Variants in MAML3 observed in about 807,000 individuals in gnomAD.
The protein encoded by MAML3 is mastermind-like protein 3.
A neutral mutation model predicts 101.9 loss-of-function variants in MAML3; 27 were observed. The observed-to-expected ratio is 0.27, with a 90% CI of 0.20 to 0.37. MAML3 has a LOEUF of 0.37. Among genes scored for constraint, MAML3 ranks in the 10% least tolerant of loss-of-function variants. The probability of loss-of-function intolerance (pLI) is 1.00; values close to 1 mark genes in which losing one functional copy is unlikely to be tolerated. For synonymous variants in MAML3, 501 were observed against 555.9 expected, an observed-to-expected ratio of 0.90 and a Z score of 1.39; for missense variants, 1,316 against 1,444.9, an observed-to-expected ratio of 0.91 and a Z score of 1.45.
At chr4:140,095,068 A>T (rs1346125315) in intron 1 of MAML3, among the ~76,000 whole-genome samples, 1 of 152,184 alleles carries the variant, frequency 6.6e-6, no homozygotes, top group Non-Finnish European at 1.5e-5. Flanking sequence ...AGCCACCCAC[A>T]GCCTTGGGGC....
At chr4:139,938,856 C>T (rs1249821439) in intron 1 of MAML3, among the ~76,000 whole-genome samples, 4 of 152,204 alleles carry the variant, frequency 2.6e-5, no homozygotes, top group Admixed American at 6.5e-5. Flanking sequence ...TGCACAATCA[C>T]CTTTGAATAT....
chr4:140,030,254 G>T (rs1462163592), intron 1 of MAML3, among the ~76,000 whole-genome samples: 2 of 152,040 alleles, frequency 1.3e-5, no homozygotes, highest in Non-Finnish European at 2.9e-5. Context: ...TGACTTCATG[G>T]CAGCTTCCTT....
chr4:139,837,850 T>G lies in MAML3; in HGVS notation c.2079+51507A>C, dbSNP rs559798606. On this transcript the variant is annotated intron_variant, in intron 2 of 4. Transcript: ENST00000509479. ...TAGGAGAATTGCTTGAACCTGGGAG[T>G]TGGAGTTTGCAGTGAGCCGAGATCA... Among the ~76,000 whole-genome samples, 4 of 150,272 alleles carry G rather than the reference T, an allele frequency of 2.7e-5. No individual in the cohort carries two copies. In the East Asian group the frequency reaches 8.0e-4, roughly 30 times the overall value.
intron 1 of MAML3, among the ~76,000 whole-genome samples, chr4:140,079,281 A>G (rs933772480): frequency 1.3e-5 from 2 of 152,262 alleles, no homozygotes; most frequent in African/African-American, 4.8e-5. Context: ...AGTTCTATTA[A>G]TTAATTAATT....
intron 1 of MAML3, among the ~76,000 whole-genome samples, chr4:139,892,544 A>AT (rs1399219292): frequency 7.3e-6 from 1 of 137,508 alleles, no homozygotes; most frequent in Non-Finnish European, 1.5e-5. Flanking sequence ...TCTTTAGTCT[A>AT]TTTTTTTATT....
chr4:139,819,246 C>T (rs759214580), intron 2 of MAML3, among the ~76,000 whole-genome samples: 3 of 152,064 alleles, frequency 2.0e-5, no homozygotes, highest in Non-Finnish European at 4.4e-5. Context: ...GAGGAGGGAG[C>T]TTAATGGGCT....
At chr4:139,823,143 A>G (rs540077739) in intron 2 of MAML3, among the ~76,000 whole-genome samples, 1 of 152,364 alleles carries the variant, frequency 6.6e-6, no homozygotes, top group African/African-American at 2.4e-5. Context: ...TCAGTAAATG[A>G]TTCCTCATTA....
In MAML3 at chr4:140,153,744, A is replaced by C. The variant is rs1729220333; in HGVS notation, c.-417T>G. 5.5e-6 allele frequency: 1 copy of C among 180,424 alleles called. No individual in the cohort carries two copies. Among genetic ancestry groups the C allele is most frequent in the East Asian group, 1.7e-4 (1 of 5,866 alleles). The allele number at this position is 180,424 out of a possible 1,614,324, so 11.2% of individuals were successfully genotyped here. A position where few individuals can be genotyped will look rare whatever the true frequency, so the allele number is the denominator to read the frequency against. ...GCAAGCATTTTCTCCCTACATACCGAAAAACACACCCCATGTACACACACA... is the reference window on the plus strand; with the variant it reads ...GCAAGCATTTTCTCCCTACATACCGCAAAACACACCCCATGTACACACACA... On this transcript the variant is annotated 5_prime_UTR_variant, in exon 1 of 5. Coordinates refer to ENST00000509479, the MANE Select transcript of MAML3 (RefSeq NM_018717.5).
chr4:140,050,202 A>T (rs1727244695), intron 1 of MAML3, among the ~76,000 whole-genome samples: 1 of 152,150 alleles, frequency 6.6e-6, no homozygotes, highest in African/African-American at 2.4e-5. Context: ...CCTCTATTCT[A>T]GGTCTTCCCG....
At chr4:139,761,507 A>C (rs1729760150) in intron 2 of MAML3, among the ~76,000 whole-genome samples, 1 of 152,110 alleles carries the variant, frequency 6.6e-6, no homozygotes, top group Non-Finnish European at 1.5e-5. Flanking sequence ...CCCATTAATG[A>C]TGATTAGATA....
At chr4:139,767,368 T>C (rs1333709113) in intron 2 of MAML3, among the ~76,000 whole-genome samples, 2 of 152,220 alleles carry the variant, frequency 1.3e-5, no homozygotes, top group Non-Finnish European at 2.9e-5. Context: ...CTATCATCCA[T>C]GAAATTGGTT....
chr4:140,129,304 A>G (rs1054208264), intron 1 of MAML3, among the ~76,000 whole-genome samples: 8 of 152,214 alleles, frequency 5.3e-5, no homozygotes, highest in African/African-American at 1.9e-4. Context: ...TAGATGCTAT[A>G]TGCAGGAATA....
intron 1 of MAML3, among the ~76,000 whole-genome samples, chr4:139,982,452 G>A (rs1734461043): frequency 1.3e-5 from 2 of 152,082 alleles, no homozygotes; most frequent in South Asian, 4.2e-4. Flanking sequence ...CTGGAGAATG[G>A]TATTAGAAAC....
chr4:139,907,128 A>G (rs1472385637), intron 1 of MAML3, among the ~76,000 whole-genome samples: 1 of 152,262 alleles, frequency 6.6e-6, no homozygotes, highest in Non-Finnish European at 1.5e-5. Flanking sequence ...AAATACCCTG[A>G]GTGTACACAA....
At chr4:139,922,198 C>T (rs1733142682) in intron 1 of MAML3, among the ~76,000 whole-genome samples, 1 of 152,032 alleles carries the variant, frequency 6.6e-6, no homozygotes, top group Non-Finnish European at 1.5e-5. Context: ...CCCTTCTGCT[C>T]CCTTCAGCTT....
intron 2 of MAML3, among the ~76,000 whole-genome samples, chr4:139,844,642 C>G (rs1169014555): frequency 6.6e-6 from 1 of 152,244 alleles, no homozygotes; most frequent in Non-Finnish European, 1.5e-5. Flanking sequence ...GTGTCTCTTT[C>G]TTGGTCATAG....
At position 139,948,199 on chromosome 4, in the gene MAML3, T is replaced by C. The variant is rs539536700; in HGVS notation, c.469-57232A>G. Among the ~76,000 whole-genome samples the C allele has an allele frequency of 2.6e-5, 4 of 152,164 alleles. No individual in the cohort carries two copies. In the East Asian group the frequency reaches 7.7e-4, roughly 29 times the overall value. ...TGGAAATATACAAAACAAAAGTCTA[T>C]GTGGAAAAACCCAACAATTTACAAA... On this transcript the variant is annotated intron_variant, in intron 1 of 4. Coordinates refer to ENST00000509479, the MANE Select transcript of MAML3 (RefSeq NM_018717.5).
intron 2 of MAML3, among the ~76,000 whole-genome samples, chr4:139,816,346 G>A (rs1439559585): frequency 2.0e-5 from 3 of 152,196 alleles, no homozygotes; most frequent in African/African-American, 7.2e-5. Flanking sequence ...GGCTGAAATC[G>A]ATGAGCAGCA....
chr4:139,937,119 A>G (rs1385373522), intron 1 of MAML3, among the ~76,000 whole-genome samples: 12 of 152,164 alleles, frequency 7.9e-5, no homozygotes, highest in Non-Finnish European at 1.8e-4. Flanking sequence ...TTGCTAGCCA[A>G]ATTTTCTAAA....
Sources: allele counts gnomAD v4.1 joint callset (sites outside exome capture counted in the v4.1 genomes callset), GRCh38; gene constraint gnomAD v4.1.1; transcripts MANE v1.5; gene names NCBI Gene and HGNC (gene_info 2026-07-23, HGNC 2026-07-21).